CDH13: variants seen among roughly 807,000 people sequenced by gnomAD.
The protein encoded by CDH13 is cadherin-13.
A neutral mutation model predicts 63.8 loss-of-function variants in CDH13; 24 were observed. The ratio of observed to expected loss-of-function variants is 0.38; its 90% confidence interval spans 0.27 to 0.53. CDH13 has a LOEUF of 0.53. CDH13 is among the 20% of genes least tolerant of loss of function. The probability of loss-of-function intolerance (pLI) is 0.85; values close to 1 mark genes in which losing one functional copy is unlikely to be tolerated. For synonymous variants in CDH13, 503 were observed against 355.3 expected (o/e 1.42, Z -4.67); for missense variants, 1,049 against 903.1 (o/e 1.16, Z -2.07).
At chr16:83,061,077 C>G (rs889027237) in intron 3 of CDH13, among the ~76,000 whole-genome samples, 4 of 152,204 alleles carry the variant, frequency 2.6e-5, no homozygotes, top group African/African-American at 9.7e-5. Context: ...AGGTATTGCG[C>G]TCTCCATTTT....
chr16:83,704,138 C>G (rs868742564), intron 10 of CDH13, among the ~76,000 whole-genome samples: 10 of 152,246 alleles, frequency 6.6e-5, no homozygotes, highest in Middle Eastern at 6.8e-3. Flanking sequence ...AAGTGGTTTC[C>G]CTTTTCACCT....
chr16:83,465,995 C>T (rs562176360), intron 6 of CDH13, among the ~76,000 whole-genome samples: 1 of 152,308 alleles, frequency 6.6e-6, no homozygotes, highest in South Asian at 2.1e-4. Context: ...GAAGTCTCTT[C>T]TGCTTTTCAC....
chr16:83,362,377 C>G (rs773115991), intron 6 of CDH13, among the ~76,000 whole-genome samples: 1 of 152,194 alleles, frequency 6.6e-6, no homozygotes, highest in Non-Finnish European at 1.5e-5. Flanking sequence ...TCTTTCCTGA[C>G]CTATTTCAGC....
chr16:83,259,098 G>C (rs533302824), intron 5 of CDH13, among the ~76,000 whole-genome samples: 1 of 152,296 alleles, frequency 6.6e-6, no homozygotes, highest in Non-Finnish European at 1.5e-5. Context: ...GTAGGATGTG[G>C]GGAGAGCAGG....
intron 7 of CDH13, among the ~76,000 whole-genome samples, chr16:83,535,603 T>C (rs898342081): frequency 1.3e-5 from 2 of 152,166 alleles, no homozygotes; most frequent in South Asian, 2.1e-4. Flanking sequence ...GATCTCAACA[T>C]GGGGAAGGTG....
intron 8 of CDH13, among the ~76,000 whole-genome samples, chr16:83,668,621 C>T (rs1019454118): frequency 6.6e-6 from 1 of 152,164 alleles, no homozygotes; most frequent in Non-Finnish European, 1.5e-5. Flanking sequence ...TGGACCGCAG[C>T]AAGAGGGTGA....
At chr16:82,792,166 T>C (rs1365812377) in intron 1 of CDH13, among the ~76,000 whole-genome samples, 1 of 152,156 alleles carries the variant, frequency 6.6e-6, no homozygotes, top group Non-Finnish European at 1.5e-5. Context: ...CTTGACTTCA[T>C]AGACTCACAA....
chr16:83,377,479 C>G (rs2091480270), intron 6 of CDH13, among the ~76,000 whole-genome samples: 1 of 152,136 alleles, frequency 6.6e-6, no homozygotes, highest in African/African-American at 2.4e-5. Flanking sequence ...GACTGTCAAA[C>G]TCTTGGGTGA....
intron 5 of CDH13, among the ~76,000 whole-genome samples, chr16:83,308,379 G>C (rs546234607): frequency 6.6e-6 from 1 of 152,304 alleles, no homozygotes; most frequent in African/African-American, 2.4e-5. Context: ...ACTCATATTT[G>C]AGATGTTCTA....
At chr16:83,123,357 G>A (rs1438796280) in intron 3 of CDH13, among the ~76,000 whole-genome samples, 1 of 151,832 alleles carries the variant, frequency 6.6e-6, no homozygotes, top group Non-Finnish European at 1.5e-5. Flanking sequence ...TCGGCTCACT[G>A]CAACCTCTGA....
At chr16:83,031,789 C>T (rs1916377082) in intron 2 of CDH13, among the ~76,000 whole-genome samples, 1 of 152,120 alleles carries the variant, frequency 6.6e-6, no homozygotes. Flanking sequence ...TTAGCACCTG[C>T]CTGGAACATG....
intron 5 of CDH13, among the ~76,000 whole-genome samples, chr16:83,316,149 A>G (rs868045890): frequency 6.6e-6 from 1 of 152,096 alleles, no homozygotes; most frequent in South Asian, 2.1e-4. Flanking sequence ...ATCTCATGAG[A>G]ACTCACTGAC....
At chr16:82,950,077 C>T (rs1905134888) in intron 2 of CDH13, among the ~76,000 whole-genome samples, 1 of 152,098 alleles carries the variant, frequency 6.6e-6, no homozygotes, top group African/African-American at 2.4e-5. Context: ...GTGCCACAAA[C>T]TGGGTGGCTT....
intron 6 of CDH13, among the ~76,000 whole-genome samples, chr16:83,482,481 T>C (rs977362365): frequency 6.6e-6 from 1 of 152,196 alleles, no homozygotes; most frequent in Admixed American, 6.5e-5. Flanking sequence ...TGCTTTGCGG[T>C]GTTTGCCACG....
chr16:83,306,126 C>A (rs569164569), intron 5 of CDH13, among the ~76,000 whole-genome samples: 10 of 152,184 alleles, frequency 6.6e-5, no homozygotes, highest in Admixed American at 6.5e-4. Context: ...CCGACATTGC[C>A]AAATATTCCC....
At chr16:83,528,946 G>A (rs1415403908) in intron 7 of CDH13, among the ~76,000 whole-genome samples, 1 of 152,126 alleles carries the variant, frequency 6.6e-6, no homozygotes, top group African/African-American at 2.4e-5. Context: ...GTCCTGCTCA[G>A]TTACTAATGG....
chr16:82,784,103 A>G (rs1266440732), intron 1 of CDH13, among the ~76,000 whole-genome samples: 1 of 152,066 alleles, frequency 6.6e-6, no homozygotes, highest in Non-Finnish European at 1.5e-5. Context: ...GTTGCAGTAA[A>G]AGAAATCCAC....
chr16:83,743,977 A>G (rs1177482916), intron 10 of CDH13, among the ~76,000 whole-genome samples: 8 of 151,774 alleles, frequency 5.3e-5, no homozygotes, highest in Non-Finnish European at 1.0e-4. Context: ...TCTGTCTCTT[A>G]TTAACTGGGC....
Position 83,249,615 on chromosome 16 carries a change from C to A in CDH13, c.636+32118C>A, listed in dbSNP as rs183710907. On this transcript the variant is annotated intron_variant, in intron 5 of 13. Transcript: ENST00000567109. ...CACTCAGAGAGGTAAGATCTGACAC[C>A]GTGTGTCTGAGAGCAGGTCCATGCC... 1.0e-3 allele frequency among the ~76,000 whole-genome samples: 157 copies of A among 152,262 alleles called. 1 individual carries two copies. Among genetic ancestry groups the A allele is most frequent in the African/African-American group, 3.6e-3 (149 of 41,540 alleles).
Sources: gnomAD v4.1 joint callset for allele counts (sites outside exome capture counted in the v4.1 genomes callset) on GRCh38, gnomAD v4.1.1 for gene constraint, MANE v1.5 for transcripts, NCBI Gene and HGNC (gene_info 2026-07-23, HGNC 2026-07-21) for gene names.